ZNF521: variants seen among roughly 807,000 people sequenced by gnomAD.
ZNF521 encodes the protein LYST-interacting protein 3.
ZNF521 carries 14 observed loss-of-function variants against 105.5 expected under a neutral mutation model. The observed-to-expected ratio is 0.13, with a 90% CI of 0.09 to 0.21. The LOEUF is 0.21. ZNF521 is among the 10% of genes least tolerant of loss of function. The pLI, the probability that ZNF521 is intolerant of heterozygous loss-of-function variation, is 1.00. For missense variants in ZNF521, 1,233 were observed against 1,629.7 expected, an observed-to-expected ratio of 0.76 and a Z score of 4.19; for synonymous variants, 635 against 606.0, an observed-to-expected ratio of 1.05 and a Z score of -0.70.
chr18:25,248,613 G>T (rs2144834313), intron 3 of ZNF521, among the ~76,000 whole-genome samples: 2 of 152,222 alleles, frequency 1.3e-5, no homozygotes, highest in Middle Eastern at 6.8e-3. Context: ...TTTATTTAAA[G>T]AACTTTATCT....
intron 5 of ZNF521, among the ~76,000 whole-genome samples, chr18:25,107,978 C>T (rs956550144): frequency 2.0e-5 from 3 of 152,236 alleles, no homozygotes; most frequent in East Asian, 1.9e-4. Context: ...GAGGGCAGTG[C>T]CTTTTTCATC....
intron 3 of ZNF521, among the ~76,000 whole-genome samples, chr18:25,296,664 G>A (rs1388364413): frequency 6.6e-6 from 1 of 152,118 alleles, no homozygotes. Context: ...GGGAGCCTCT[G>A]CAAATACCTT....
At chr18:25,279,688 T>TTTTA (rs1910246836) in intron 3 of ZNF521, among the ~76,000 whole-genome samples, 1 of 152,244 alleles carries the variant, frequency 6.6e-6, no homozygotes, top group Non-Finnish European at 1.5e-5. Flanking sequence ...AAATGTTTCA[T>TTTTA]ATGCAAGCGT....
chr18:25,141,226 G>A (rs2034841764), intron 5 of ZNF521, among the ~76,000 whole-genome samples: 1 of 152,148 alleles, frequency 6.6e-6, no homozygotes, highest in African/African-American at 2.4e-5. Context: ...GAGGAATTTT[G>A]TTCTCAGCAC....
Position 25,098,536 on chromosome 18 carries a change from T to C in ZNF521, c.3659-6455A>G, listed in dbSNP as rs576732971. The stretch of plus-strand genomic sequence containing the variant: ...TCCTCTCCCCATCCCAAGAAAAAAA[T>C]TGTTAGCCAAGAAAAGAAGAAAGTA... On this transcript the variant is annotated intron_variant, in intron 5 of 7. Coordinates refer to ENST00000361524, the MANE Select transcript of ZNF521 (RefSeq NM_015461.3). Among the ~76,000 whole-genome samples, 4 of 151,926 alleles carry C rather than the reference T, an allele frequency of 2.6e-5. No homozygotes were observed. The East Asian group carries it at 5.8e-4, about 22-fold the overall frequency.
chr18:25,160,656 T>A (rs2035234601), intron 5 of ZNF521, among the ~76,000 whole-genome samples: 1 of 152,204 alleles, frequency 6.6e-6, no homozygotes, highest in African/African-American at 2.4e-5. Flanking sequence ...TTGTGTTCTT[T>A]ACAGCACTTT....
chr18:25,075,825 G>A (rs985948466), intron 7 of ZNF521, among the ~76,000 whole-genome samples: 4 of 152,162 alleles, frequency 2.6e-5, no homozygotes, highest in Admixed American at 6.5e-5. Flanking sequence ...GCTTTAAAGG[G>A]AACTTCTTTT....
chr18:25,268,038 A>G (rs371583533), intron 3 of ZNF521, among the ~76,000 whole-genome samples: 12 of 152,218 alleles, frequency 7.9e-5, no homozygotes, highest in African/African-American at 2.4e-4. Context: ...ACACTGAAAA[A>G]AAGTTAGACG....
At chr18:25,274,935 T>C (rs1454308594) in intron 3 of ZNF521, among the ~76,000 whole-genome samples, 1 of 152,078 alleles carries the variant, frequency 6.6e-6, no homozygotes, top group Non-Finnish European at 1.5e-5. Context: ...ACTGTTCAAC[T>C]AAGCAGCAGA....
At chr18:25,104,400 C>T (rs552968519) in intron 5 of ZNF521, among the ~76,000 whole-genome samples, 7 of 152,154 alleles carry the variant, frequency 4.6e-5, no homozygotes, top group Non-Finnish European at 1.0e-4. Context: ...GCACAGAATT[C>T]CAATGCTGTC....
chr18:25,196,396 A>G (rs76932819), intron 4 of ZNF521, among the ~76,000 whole-genome samples: 7,562 of 151,676 alleles, frequency 0.05, 296 homozygotes, highest in African/African-American at 0.1. Flanking sequence ...AAGGAACTGA[A>G]GTTCTTTAGA....
At chr18:25,196,863 G>C (rs1271343451) in intron 4 of ZNF521, among the ~76,000 whole-genome samples, 10 of 151,692 alleles carry the variant, frequency 6.6e-5, no homozygotes, top group Admixed American at 5.9e-4. Flanking sequence ...CATACTTCTA[G>C]CATTATTCCT....
rs545642658 is a variant in ZNF521 at position 25,167,296 on chromosome 18, T to A, written c.3658+27864A>T. On this transcript the variant is annotated intron_variant, in intron 5 of 7. Transcript: ENST00000361524. Reference sequence around the variant, plus strand: ...TTACCAGCCCAAAGTTCACAGAATCTTAAAACATACAAAAAACACTTGTTT... The same window carrying A: ...TTACCAGCCCAAAGTTCACAGAATCATAAAACATACAAAAAACACTTGTTT... Among the ~76,000 whole-genome samples, 3 of 152,354 alleles carry A rather than the reference T, an allele frequency of 2.0e-5. No homozygotes were observed. The South Asian group carries it at 6.2e-4, about 32-fold the overall frequency.
chr18:25,330,880 A>G (rs1913529350), intron 2 of ZNF521, among the ~76,000 whole-genome samples: 1 of 152,212 alleles, frequency 6.6e-6, no homozygotes, highest in Admixed American at 6.5e-5. Flanking sequence ...CAGCAGGGGA[A>G]AGAGATGACA....
intron 3 of ZNF521, among the ~76,000 whole-genome samples, chr18:25,234,554 T>C (rs1389445149): frequency 6.6e-6 from 1 of 152,218 alleles, no homozygotes; most frequent in Non-Finnish European, 1.5e-5. Flanking sequence ...TCCTTGTCTA[T>C]AATATCAGAA....
intron 2 of ZNF521, among the ~76,000 whole-genome samples, chr18:25,343,826 T>G (rs1914339749): frequency 6.6e-6 from 1 of 152,186 alleles, no homozygotes; most frequent in South Asian, 2.1e-4. Flanking sequence ...AACTTAATCT[T>G]TTTTTAAAAA....
intron 5 of ZNF521, among the ~76,000 whole-genome samples, chr18:25,147,430 T>C (rs1389613621): frequency 1.3e-5 from 2 of 152,146 alleles, no homozygotes; most frequent in African/African-American, 2.4e-5. Flanking sequence ...TGCAGGTTAG[T>C]CCAAGTTCAG....
Position 25,092,001 on chromosome 18 carries a change from G to A in ZNF521, c.3739C>T (p.His1247Tyr). 1 of 1,613,990 alleles carries A rather than the reference G, an allele frequency of 6.2e-7. No individual in the cohort carries two copies. The highest frequency in any genetic ancestry group is 1.1e-5 in the South Asian group (1 of 91,074). Reference sequence around the variant, plus strand: ...GTGCCTCCCATCCCTTCGAAGCTGTGCTCTATCAGGTGGCACTGGAGTTTG... The same window carrying A: ...GTGCCTCCCATCCCTTCGAAGCTGTACTCTATCAGGTGGCACTGGAGTTTG... The part of the protein sequence containing the change: ...PAKLQCHLIE[H>Y]SFEGMGGTFK... The change falls in exon 6 of 8, where the codon CAC becomes TAC. Residue 1247 changes from histidine (H) to tyrosine (Y), a missense_variant. This residue lies in a region of ZNF521 where 76 missense variants were observed against 137.2 expected (regional missense o/e 0.55). Transcript: ENST00000361524.
intron 3 of ZNF521, among the ~76,000 whole-genome samples, chr18:25,316,345 GA>G (rs1339917499): frequency 7.4e-6 from 1 of 135,948 alleles, no homozygotes; most frequent in Non-Finnish European, 1.6e-5. Flanking sequence ...AAAAAGGAAA[GA>G]AAAAAGTAAT....
Sources: gnomAD v4.1 joint callset for allele counts (sites outside exome capture counted in the v4.1 genomes callset) on GRCh38, gnomAD v4.1.1 for gene constraint, gnomAD v4.1.1 regional missense constraint, MANE v1.5 for transcripts, NCBI Gene and HGNC (gene_info 2026-07-23, HGNC 2026-07-21) for gene names.